Variants in EYS observed in about 807,000 individuals in gnomAD.
EYS encodes EGF-like photoreceptor maintenance factor, also known as protein eyes shut homolog.
In EYS, 250 loss-of-function variants were observed where a neutral mutation model predicts 282.1. That is an observed-to-expected ratio of 0.89 (90% confidence interval 0.80 to 0.98). The LOEUF (loss-of-function observed/expected upper bound fraction) is 0.98, where lower values mean the gene tolerates loss of function less well. Among genes scored for constraint, EYS ranks in the 50% least tolerant of loss-of-function variants. The probability of loss-of-function intolerance (pLI) is 0.00; values close to 1 mark genes in which losing one functional copy is unlikely to be tolerated. For synonymous variants in EYS, 1,355 were observed against 1,282.9 expected, an observed-to-expected ratio of 1.06 and a Z score of -1.20; for missense variants, 4,016 against 3,709.0, an observed-to-expected ratio of 1.08 and a Z score of -2.15.
chr6:64,958,099 A>C (rs554014399), intron 14 of EYS, among the ~76,000 whole-genome samples: 1 of 152,162 alleles, frequency 6.6e-6, no homozygotes, highest in African/African-American at 2.4e-5. Flanking sequence ...AATTCTGTAT[A>C]TATATCACAC....
intron 6 of EYS, among the ~76,000 whole-genome samples, chr6:65,402,831 A>C (rs1353537978): frequency 6.6e-6 from 1 of 152,094 alleles, no homozygotes; most frequent in African/African-American, 2.4e-5. Flanking sequence ...AAGAGTTAGC[A>C]ACTATATTCC....
intron 30 of EYS, among the ~76,000 whole-genome samples, chr6:64,272,992 T>C (rs1168987431): frequency 6.6e-6 from 1 of 152,128 alleles, no homozygotes; most frequent in African/African-American, 2.4e-5. Context: ...TTTTTGTATT[T>C]TCTTTTCGGT....
At chr6:64,502,831 C>T (rs1381362852) in intron 26 of EYS, among the ~76,000 whole-genome samples, 5 of 151,964 alleles carry the variant, frequency 3.3e-5, no homozygotes, top group Non-Finnish European at 5.9e-5. Context: ...GATATTTGTA[C>T]ATCATAGGAA....
chr6:64,235,660 G>T (rs567195611), intron 30 of EYS, among the ~76,000 whole-genome samples: 1,884 of 152,174 alleles, frequency 0.012, 46 homozygotes, highest in African/African-American at 0.042. Context: ...CTGAGGAATC[G>T]CCACACTGAC....
At chr6:63,844,943 G>A (rs1562056247) in intron 36 of EYS, among the ~76,000 whole-genome samples, 1 of 152,138 alleles carries the variant, frequency 6.6e-6, no homozygotes, top group African/African-American at 2.4e-5. Flanking sequence ...TAATGCCTAT[G>A]TTCTGAATGG....
At position 65,465,596 on chromosome 6, in the gene EYS, T is replaced by C. The variant is rs75336572; in HGVS notation, c.862+24998A>G. Among the ~76,000 whole-genome samples, 1,031 of 152,290 alleles carry C rather than the reference T, an allele frequency of 6.8e-3. 17 individuals carry two copies. The highest frequency in any genetic ancestry group is 0.023 in the African/African-American group (965 of 41,560). ...GACAAATAAAAATTGGAATTAAATT[T>C]ACATCAGAGTCAGAGAAAAGCACAA... On this transcript the variant is annotated intron_variant, in intron 5 of 42. Transcript: ENST00000503581.
chr6:65,484,709 T>C (rs1765726714), intron 5 of EYS, among the ~76,000 whole-genome samples: 1 of 152,162 alleles, frequency 6.6e-6, no homozygotes, highest in African/African-American at 2.4e-5. Context: ...CTATGTTATA[T>C]GTGAGAGGAA....
chr6:64,911,558 A>G (rs2150076266), intron 16 of EYS, among the ~76,000 whole-genome samples: 1 of 152,292 alleles, frequency 6.6e-6, no homozygotes, highest in Admixed American at 6.5e-5. Context: ...AAGAGTAAAT[A>G]AGTGATATCC....
chr6:64,533,701 G>A (rs1288303707), intron 26 of EYS, among the ~76,000 whole-genome samples: 1 of 151,894 alleles, frequency 6.6e-6, no homozygotes, highest in East Asian at 1.9e-4. Flanking sequence ...ACTTGTTTAA[G>A]CTAATGTAAA....
intron 33 of EYS, among the ~76,000 whole-genome samples, chr6:64,018,971 C>T (rs1297317367): frequency 5.9e-5 from 9 of 151,816 alleles, no homozygotes; most frequent in Admixed American, 6.6e-5. Context: ...GACGGGGTTT[C>T]GCCATGTTGG....
intron 33 of EYS, among the ~76,000 whole-genome samples, chr6:64,034,172 A>T (rs906609535): frequency 2.0e-5 from 3 of 152,210 alleles, no homozygotes; most frequent in Non-Finnish European, 1.5e-5. Context: ...ATTAAAACAA[A>T]CAAACAAAAA....
At chr6:64,825,894 A>G (rs940376582) in intron 19 of EYS, among the ~76,000 whole-genome samples, 1 of 147,742 alleles carries the variant, frequency 6.8e-6, no homozygotes, top group Non-Finnish European at 1.5e-5. Context: ...AGAGATATTC[A>G]TAAAGTGCAC....
At chr6:64,222,325 C>T (rs1242267904) in intron 31 of EYS, among the ~76,000 whole-genome samples, 1 of 152,060 alleles carries the variant, frequency 6.6e-6, no homozygotes, top group Non-Finnish European at 1.5e-5. Flanking sequence ...AAAGGCACAT[C>T]GCATGTTGAC....
At chr6:63,824,787 C>G (rs1255803607) in intron 36 of EYS, among the ~76,000 whole-genome samples, 1 of 152,144 alleles carries the variant, frequency 6.6e-6, no homozygotes, top group Non-Finnish European at 1.5e-5. Flanking sequence ...CCCATTCCTG[C>G]CTGGCACCAC....
intron 26 of EYS, among the ~76,000 whole-genome samples, chr6:64,546,048 G>T (rs193151897): frequency 3.9e-5 from 6 of 152,232 alleles, no homozygotes; most frequent in African/African-American, 1.4e-4. Context: ...AAACAAAAAT[G>T]AGCCCGCATT....
At chr6:65,273,851 G>A (rs181311045) in intron 12 of EYS, among the ~76,000 whole-genome samples, 23 of 152,238 alleles carry the variant, frequency 1.5e-4, no homozygotes, top group Admixed American at 6.5e-4. Flanking sequence ...GAGCCAGTGC[G>A]TACCTAAAAT....
intron 22 of EYS, among the ~76,000 whole-genome samples, chr6:64,770,422 G>A (rs917789744): frequency 6.6e-6 from 1 of 151,930 alleles, no homozygotes; most frequent in African/African-American, 2.4e-5. Flanking sequence ...AGACAAACAA[G>A]CTATTCTCAG....
chr6:63,987,785 G>C (rs1767435167), intron 34 of EYS, among the ~76,000 whole-genome samples: 1 of 151,578 alleles, frequency 6.6e-6, no homozygotes, highest in Non-Finnish European at 1.5e-5. Flanking sequence ...AATTAAGTTA[G>C]GGGTCTGGTG....
intron 31 of EYS, among the ~76,000 whole-genome samples, chr6:64,106,327 A>G (rs925152989): frequency 2.0e-5 from 3 of 151,612 alleles, no homozygotes; most frequent in Non-Finnish European, 4.4e-5. Context: ...AATGTCCTCA[A>G]TTTTTGTTTG....
Sources: allele counts gnomAD v4.1 joint callset (sites outside exome capture counted in the v4.1 genomes callset), GRCh38; gene constraint gnomAD v4.1.1; transcripts MANE v1.5; gene names NCBI Gene and HGNC (gene_info 2026-07-23, HGNC 2026-07-21).